The following USP34 variants were observed in gnomAD, a reference collection of about 807,000 sequenced individuals.
USP34 encodes the protein ubiquitin specific peptidase 34.
USP34 carries 70 observed loss-of-function variants against 460.3 expected under a neutral mutation model. The observed-to-expected ratio is 0.15, with a 90% CI of 0.13 to 0.19. The LOEUF is 0.19. USP34 is among the 10% of genes least tolerant of loss of function. USP34 has a pLI of 1.00. For missense variants in USP34, 3,985 were observed against 4,236.2 expected (o/e 0.94, Z 1.65); for synonymous variants, 1,647 against 1,405.3 (o/e 1.17, Z -3.85).
chr2:61,457,231 G>C (rs772458077), intron 1 of USP34, among the ~76,000 whole-genome samples: 40 of 152,128 alleles, frequency 2.6e-4, no homozygotes, highest in Non-Finnish European at 4.6e-4. Context: ...AGCCGTGATC[G>C]TGCCACTGCA....
intron 5 of USP34, among the ~76,000 whole-genome samples, chr2:61,391,879 TAA>T (rs1326466056): frequency 6.6e-6 from 1 of 152,124 alleles, no homozygotes; most frequent in Non-Finnish European, 1.5e-5. Context: ...AGATGCCTAT[TAA>T]AGAGTTACTC....
chr2:61,301,845 G>C (rs1690235634), intron 27 of USP34, among the ~76,000 whole-genome samples: 1 of 152,056 alleles, frequency 6.6e-6, no homozygotes, highest in Admixed American at 6.5e-5. Context: ...CAATCTAAAA[G>C]CTTCACTTCA....
chr2:61,345,826 A>T (rs947654827), intron 15 of USP34, among the ~76,000 whole-genome samples: 8 of 152,112 alleles, frequency 5.3e-5, no homozygotes, highest in African/African-American at 1.9e-4. Flanking sequence ...TTGTAGAGAC[A>T]GGGCCCCACT....
At chr2:61,399,348 A>G (rs1437664736) in intron 3 of USP34, among the ~76,000 whole-genome samples, 1 of 151,936 alleles carries the variant, frequency 6.6e-6, no homozygotes, top group Non-Finnish European at 1.5e-5. Flanking sequence ...CGTCTCAAAA[A>G]AAAAAAAAAA....
chr2:61,233,604 T>C (rs553527002), intron 57 of USP34, among the ~76,000 whole-genome samples: 6 of 152,148 alleles, frequency 3.9e-5, no homozygotes, highest in East Asian at 1.9e-4. Flanking sequence ...GGCAGGAGGA[T>C]AGCTTGAAGC....
chr2:61,420,820 T>A lies in USP34; in HGVS notation c.57A>T (p.Glu19Asp). 1.2e-6 allele frequency: 2 copies of A among 1,608,318 alleles called. No individual in the cohort carries two copies. Among genetic ancestry groups the A allele is most frequent in the Non-Finnish European group, 1.7e-6 (2 of 1,177,452 alleles). The change falls in exon 2 of 80, where the codon GAA becomes GAT. Residue 19 changes from glutamate to aspartate, a missense_variant. Physicochemically the swap from Glu to Asp is conservative, Grantham distance 45. Coordinates refer to ENST00000398571, the MANE Select transcript of USP34 (RefSeq NM_014709.4). The stretch of plus-strand genomic sequence containing the variant: ...TTCTGAGCTGCAGTCCATCACCACC[T>A]TCTACATCTGATACTGAAATAAAAA... ...VEVLNEISDV[E>D]GGDGLQLRKE...
rs1689586234 is a variant in USP34, at chr2:61,283,178, A to G, written c.4965T>C (p.Asp1655=). The G allele has an allele frequency of 6.2e-7, 1 of 1,613,604 alleles. No individual in the cohort carries two copies. Among genetic ancestry groups the G allele is most frequent in the Admixed American group, 1.7e-5 (1 of 60,012 alleles). Residue 1655 remains aspartate (D), a synonymous_variant, in exon 37 of 80, where the codon GAT becomes GAC. Coordinates refer to ENST00000398571, the MANE Select transcript of USP34 (RefSeq NM_014709.4). ...SSLADSDHLQ[D]WLKKLTLLIP... ...TAAGGAGAGTCAATTTCTTTAGCCA[A>G]TCTTGTAAATGATCGCTATCAGCAA...
chr2:61,243,183 G>C (rs959132046), intron 51 of USP34, among the ~76,000 whole-genome samples: 5 of 150,986 alleles, frequency 3.3e-5, no homozygotes, highest in Non-Finnish European at 5.9e-5. Flanking sequence ...TTTTGCTCTT[G>C]TTACCCAGGC....
intron 1 of USP34, among the ~76,000 whole-genome samples, chr2:61,448,542 T>C (rs909011027): frequency 6.6e-6 from 1 of 152,216 alleles, no homozygotes; most frequent in African/African-American, 2.4e-5. Context: ...CAGATCATAC[T>C]TTGATAACCA....
At chr2:61,247,751 ACTT>A in intron 49 of USP34, among the ~76,000 whole-genome samples, 1 of 152,276 alleles carries the variant, frequency 6.6e-6, no homozygotes, top group African/African-American at 2.4e-5. Flanking sequence ...TACAATGCCC[ACTT>A]CTTAACTTCA....
intron 10 of USP34, among the ~76,000 whole-genome samples, chr2:61,362,022 C>T (rs1284928152): frequency 6.6e-6 from 1 of 151,874 alleles, no homozygotes; most frequent in Non-Finnish European, 1.5e-5. Flanking sequence ...AGAAAATAGA[C>T]ATTTCTCAAA....
intron 41 of USP34, chr2:61,277,660 T>C (rs1689410727): frequency 1.3e-5 from 2 of 152,426 alleles, no homozygotes; most frequent in Non-Finnish European, 2.9e-5. Context: ...TTGTCGGTAA[T>C]TTCTAGCAAT....
intron 8 of USP34, among the ~76,000 whole-genome samples, chr2:61,375,544 C>G (rs889976525): frequency 1.3e-5 from 2 of 151,930 alleles, no homozygotes; most frequent in Admixed American, 6.6e-5. Flanking sequence ...CCAAGGCAGG[C>G]GGATCACGAG....
At chr2:61,419,805 G>C (rs761444988) in intron 2 of USP34, among the ~76,000 whole-genome samples, 1 of 152,060 alleles carries the variant, frequency 6.6e-6, no homozygotes, top group Non-Finnish European at 1.5e-5. Flanking sequence ...AAACATATTA[G>C]TATTATGCAA....
Position 61,260,270 on chromosome 2 carries a change from C to CTT in USP34, c.5779-495_5779-494insAA, listed in dbSNP as rs565925179. ...GAAAACTGTCTAAATATTCAACTATCAATAAGTCAAATTCAGGAATCTGGC... is the reference window on the plus strand; with the variant it reads ...GAAAACTGTCTAAATATTCAACTATCTTAATAAGTCAAATTCAGGAATCTGGC... On this transcript the variant is annotated intron_variant, in intron 43 of 79. Transcript: ENST00000398571. Among the ~76,000 whole-genome samples the CTT allele has an allele frequency of 3.9e-5, 6 of 152,304 alleles. 1 individual carries two copies. In the South Asian group the frequency reaches 1.2e-3, roughly 32 times the overall value.
chr2:61,265,863 C>A, intron 42 of USP34, 121 bp downstream of exon 42: 2 of 961,298 alleles, frequency 2.1e-6, no homozygotes, highest in Non-Finnish European at 2.8e-6. Context: ...TAACACCCTA[C>A]CAATAATCAT....
At chr2:61,293,238 A>G (rs1449802890) in intron 33 of USP34, among the ~76,000 whole-genome samples, 1 of 152,122 alleles carries the variant, frequency 6.6e-6, no homozygotes, top group East Asian at 1.9e-4. Context: ...TGAACTGGCC[A>G]GAGTTTAGAG....
At chr2:61,379,731 G>A (rs778148) in intron 7 of USP34, among the ~76,000 whole-genome samples, 50,949 of 152,114 alleles carry the variant, frequency 0.33, 8,629 homozygotes, top group Non-Finnish European at 0.38. Context: ...AGATTTTCAT[G>A]TTACTTTGTC....
intron 5 of USP34, among the ~76,000 whole-genome samples, chr2:61,386,028 G>A (rs1488477642): frequency 1.3e-5 from 2 of 151,862 alleles, no homozygotes; most frequent in Non-Finnish European, 2.9e-5. Context: ...ATATGACAGG[G>A]AGGTAGTACT....
Sources: allele counts gnomAD v4.1 joint callset (sites outside exome capture counted in the v4.1 genomes callset), GRCh38; gene constraint gnomAD v4.1.1; transcripts MANE v1.5; gene names NCBI Gene and HGNC (gene_info 2026-07-23, HGNC 2026-07-21).